NKAIN2: variants seen among roughly 807,000 people sequenced by gnomAD.
NKAIN2 encodes sodium/potassium-transporting ATPase subunit beta-1-interacting protein 2.
In NKAIN2, 14 loss-of-function variants were observed where a neutral mutation model predicts 32.6. The ratio of observed to expected loss-of-function variants is 0.43; its 90% CI spans 0.28 to 0.67. NKAIN2 has a LOEUF of 0.67. Ranked by LOEUF, NKAIN2 falls within the 30% of genes least tolerant of loss-of-function variation. The pLI, the probability that NKAIN2 is intolerant of heterozygous loss-of-function variation, is 0.17. For synonymous variants in NKAIN2, 80 were observed against 87.2 expected, an observed-to-expected ratio of 0.92 and a Z score of 0.46; for missense variants, 198 against 258.3, an observed-to-expected ratio of 0.77 and a Z score of 1.60.
intron 1 of NKAIN2, among the ~76,000 whole-genome samples, chr6:124,185,468 A>G (rs1789669049): frequency 6.6e-6 from 1 of 152,182 alleles, no homozygotes; most frequent in African/African-American, 2.4e-5. Flanking sequence ...GTATGCTCAA[A>G]GAAAGATGAA....
intron 1 of NKAIN2, among the ~76,000 whole-genome samples, chr6:123,833,509 A>C (rs1209674204): frequency 6.6e-6 from 1 of 152,156 alleles, no homozygotes; most frequent in East Asian, 1.9e-4. Context: ...CTATAGATCA[A>C]GTTGGGAAAA....
chr6:124,576,345 A>AT (rs34113391), intron 3 of NKAIN2, among the ~76,000 whole-genome samples: 69,055 of 152,032 alleles, frequency 0.45, 18,889 homozygotes, highest in Non-Finnish European at 0.58. Context: ...TATTTGGCAG[A>AT]TTTTTTTGTG....
At chr6:124,783,173 G>A (rs960513924) in intron 4 of NKAIN2, among the ~76,000 whole-genome samples, 4 of 152,056 alleles carry the variant, frequency 2.6e-5, no homozygotes, top group African/African-American at 7.2e-5. Flanking sequence ...GCCATCTTTC[G>A]TCCTGCCTGA....
chr6:123,874,352 C>G lies in NKAIN2; in HGVS notation c.54+70098C>G, dbSNP rs565132659. Among the ~76,000 whole-genome samples, 4 of 152,218 alleles carry G rather than the reference C, an allele frequency of 2.6e-5. 1 individual carries two copies. In the East Asian group the frequency reaches 7.7e-4, roughly 29 times the overall value. ...TTTAAAAAATCACATGAGAAACATT[C>G]CAAATTTTCTGGTTAATCTAAGTAA... On this transcript the variant is annotated intron_variant, in intron 1 of 6. Coordinates refer to ENST00000368417, the MANE Select transcript of NKAIN2 (RefSeq NM_001040214.3).
chr6:124,406,600 T>C (rs571507937), intron 3 of NKAIN2, among the ~76,000 whole-genome samples: 1 of 152,202 alleles, frequency 6.6e-6, no homozygotes, highest in South Asian at 2.1e-4. Context: ...TAATTCCCAG[T>C]GGTATAATGG....
intron 1 of NKAIN2, among the ~76,000 whole-genome samples, chr6:123,825,634 C>T (rs1431740440): frequency 1.3e-5 from 2 of 152,058 alleles, no homozygotes; most frequent in African/African-American, 4.8e-5. Flanking sequence ...ATTCAGCTAC[C>T]CCAAAGCAAA....
chr6:124,323,698 A>G (rs915206873), intron 2 of NKAIN2, among the ~76,000 whole-genome samples: 9 of 151,780 alleles, frequency 5.9e-5, no homozygotes, highest in African/African-American at 1.9e-4. Flanking sequence ...ATGGCTATAT[A>G]TTAAAACTTA....
chr6:124,407,606 T>G (rs552633793), intron 3 of NKAIN2, among the ~76,000 whole-genome samples: 2 of 152,094 alleles, frequency 1.3e-5, no homozygotes, highest in African/African-American at 4.8e-5. Context: ...TGTTGGACAT[T>G]TGGGTTGGTT....
chr6:124,440,412 G>A (rs1775639353), intron 3 of NKAIN2, among the ~76,000 whole-genome samples: 1 of 152,026 alleles, frequency 6.6e-6, no homozygotes, highest in Non-Finnish European at 1.5e-5. Context: ...CATTAGTCCT[G>A]AATTTCCTTC....
At chr6:124,571,086 A>AGCCCCTTT (rs1317293309) in intron 3 of NKAIN2, among the ~76,000 whole-genome samples, 1 of 152,180 alleles carries the variant, frequency 6.6e-6, no homozygotes, top group African/African-American at 2.4e-5. Context: ...TGGGCCCTGT[A>AGCCCCTTT]GCCCCTTTGT....
At chr6:123,928,105 A>T (rs1776088694) in intron 1 of NKAIN2, among the ~76,000 whole-genome samples, 1 of 152,212 alleles carries the variant, frequency 6.6e-6, no homozygotes, top group Non-Finnish European at 1.5e-5. Flanking sequence ...GTGGAAACAT[A>T]AATGCAGCTG....
chr6:123,898,566 T>A (rs901524551), intron 1 of NKAIN2, among the ~76,000 whole-genome samples: 3 of 151,202 alleles, frequency 2.0e-5, no homozygotes, highest in South Asian at 2.1e-4. Flanking sequence ...TTTTTTTTTT[T>A]TTATTTCCTT....
At chr6:124,802,599 T>C (rs554527420) in intron 5 of NKAIN2, among the ~76,000 whole-genome samples, 1 of 152,336 alleles carries the variant, frequency 6.6e-6, no homozygotes, top group African/African-American at 2.4e-5. Flanking sequence ...TTACAGTTTC[T>C]CCACCCTGTT....
At chr6:123,811,384 C>A (rs1490468339) in intron 1 of NKAIN2, among the ~76,000 whole-genome samples, 4 of 69,438 alleles carry the variant, frequency 5.8e-5, no homozygotes, top group African/African-American at 1.4e-4. Flanking sequence ...CTAGCCTAGC[C>A]ACTCATTAGG....
chr6:124,213,613 T>C (rs1223718839), intron 1 of NKAIN2, among the ~76,000 whole-genome samples: 2 of 152,088 alleles, frequency 1.3e-5, no homozygotes, highest in Non-Finnish European at 2.9e-5. Context: ...TGCTGGTAAA[T>C]ATTTGACAAC....
Position 124,160,480 on chromosome 6 carries a change from T to C in NKAIN2, c.55-122525T>C, listed in dbSNP as rs531620030. ...TTATATGCTACATACTGTATGTATA[T>C]ATAGATGTATATGAAAATGGACTTG... On this transcript the variant is annotated intron_variant, in intron 1 of 6. Transcript: ENST00000368417. Among the ~76,000 whole-genome samples the C allele has an allele frequency of 2.0e-5, 3 of 152,282 alleles. No individual in the cohort carries two copies. In the South Asian group the frequency reaches 6.2e-4, roughly 32 times the overall value.
chr6:124,009,222 C>T (rs1419049462), intron 1 of NKAIN2, among the ~76,000 whole-genome samples: 1 of 152,086 alleles, frequency 6.6e-6, no homozygotes, highest in African/African-American at 2.4e-5. Flanking sequence ...TTTGGTCTCT[C>T]TCTGTCTGTC....
At chr6:124,534,645 G>A (rs1309851267) in intron 3 of NKAIN2, among the ~76,000 whole-genome samples, 1 of 152,158 alleles carries the variant, frequency 6.6e-6, no homozygotes, top group Non-Finnish European at 1.5e-5. Context: ...ATGTAAGAAT[G>A]GTGCTTGGAC....
chr6:124,075,327 T>TA, intron 1 of NKAIN2, among the ~76,000 whole-genome samples: 1 of 152,300 alleles, frequency 6.6e-6, no homozygotes, highest in South Asian at 2.1e-4. Context: ...AACTGCTTCT[T>TA]ATTTGGTAAC....
Sources: allele counts gnomAD v4.1 joint callset (sites outside exome capture counted in the v4.1 genomes callset), GRCh38; gene constraint gnomAD v4.1.1; transcripts MANE v1.5; gene names NCBI Gene and HGNC (gene_info 2026-07-23, HGNC 2026-07-21).